OLFM3: variants seen among roughly 807,000 people sequenced by gnomAD.
The protein encoded by OLFM3 is olfactomedin 3, also known as noelin-3.
OLFM3 carries 20 observed loss-of-function variants against 48.6 expected under a neutral mutation model. The ratio of observed to expected loss-of-function variants is 0.41; its 90% confidence interval spans 0.29 to 0.60. The LOEUF (loss-of-function observed/expected upper bound fraction) is 0.60, where lower values mean the gene tolerates loss of function less well. Ranked by LOEUF, OLFM3 falls within the 20% of genes least tolerant of loss-of-function variation. The probability of loss-of-function intolerance (pLI) is 0.28; values close to 1 mark genes in which losing one functional copy is unlikely to be tolerated. For missense variants in OLFM3, 437 were observed against 544.3 expected (o/e 0.80, Z 1.96); for synonymous variants, 222 against 198.1 (o/e 1.12, Z -1.01).
intron 1 of OLFM3, among the ~76,000 whole-genome samples, chr1:101,913,394 T>G (rs899858570): frequency 7.2e-5 from 11 of 152,200 alleles, no homozygotes; most frequent in African/African-American, 2.6e-4. Context: ...GGAAAAGGAG[T>G]ATTACTATTA....
At chr1:101,944,071 C>CAT (rs1399837203) in intron 1 of OLFM3, among the ~76,000 whole-genome samples, 2 of 150,166 alleles carry the variant, frequency 1.3e-5, no homozygotes, top group East Asian at 1.9e-4. Flanking sequence ...AGTGGGAATA[C>CAT]ATATATATAC....
rs115076589 is a variant in OLFM3 at position 101,824,244 on chromosome 1, A to G, written c.592+782T>C. Among the ~76,000 whole-genome samples the G allele has an allele frequency of 2.2e-3, 339 of 152,268 alleles. 2 individuals carry two copies. Among genetic ancestry groups the G allele is most frequent in the African/African-American group, 7.9e-3 (328 of 41,554 alleles). ...ATATCGCATCATGTCAACAACTAAA[A>G]TACTGATCCTAAATTAACTTGTAGC... On this transcript the variant is annotated intron_variant, in intron 4 of 5. Transcript: ENST00000370103.
At chr1:101,833,707 C>T (rs1655272610) in intron 2 of OLFM3, among the ~76,000 whole-genome samples, 1 of 151,968 alleles carries the variant, frequency 6.6e-6, no homozygotes, top group African/African-American at 2.4e-5. Context: ...CTTTGATTTT[C>T]ACTCTCACTC....
At chr1:101,812,195 G>A (rs1654096398) in intron 4 of OLFM3, among the ~76,000 whole-genome samples, 1 of 151,908 alleles carries the variant, frequency 6.6e-6, no homozygotes, top group Non-Finnish European at 1.5e-5. Flanking sequence ...TGGGGTGGGG[G>A]GAGTGGGGAG....
chr1:101,851,487 A>G (rs968319561), intron 1 of OLFM3, among the ~76,000 whole-genome samples: 1 of 152,162 alleles, frequency 6.6e-6, no homozygotes, highest in Admixed American at 6.6e-5. Context: ...GAAGGTGGAA[A>G]GTTTTGCAGC....
intron 1 of OLFM3, among the ~76,000 whole-genome samples, chr1:101,982,685 T>C (rs1218218558): frequency 6.6e-6 from 1 of 152,212 alleles, no homozygotes; most frequent in African/African-American, 2.4e-5. Flanking sequence ...GAACTGCACC[T>C]TCCTGACTGC....
intron 1 of OLFM3, among the ~76,000 whole-genome samples, chr1:101,963,278 C>A (rs757953709): frequency 6.6e-6 from 1 of 152,222 alleles, no homozygotes. Context: ...CCTCCATGAT[C>A]ACTCTCCTTG....
At chr1:101,911,959 C>T (rs928175419) in intron 1 of OLFM3, among the ~76,000 whole-genome samples, 1 of 152,100 alleles carries the variant, frequency 6.6e-6, no homozygotes, top group African/African-American at 2.4e-5. Context: ...TTGTTATTTT[C>T]ATATGGAGTA....
At chr1:101,848,553 A>G (rs2100945200) in intron 1 of OLFM3, among the ~76,000 whole-genome samples, 1 of 150,060 alleles carries the variant, frequency 6.7e-6, no homozygotes. Flanking sequence ...ATCAACTCTT[A>G]TTTTTTAACC....
intron 1 of OLFM3, among the ~76,000 whole-genome samples, chr1:101,915,623 C>T (rs1345405056): frequency 6.6e-6 from 1 of 152,038 alleles, no homozygotes; most frequent in Non-Finnish European, 1.5e-5. Context: ...ATATTCAAAA[C>T]ACGAAGAAAT....
At chr1:101,941,757 C>T (rs1887467) in intron 1 of OLFM3, among the ~76,000 whole-genome samples, 66,647 of 151,986 alleles carry the variant, frequency 0.44, 15,725 homozygotes, top group Non-Finnish European at 0.53. Flanking sequence ...GTAGCCTCTG[C>T]TAAAACTGAA....
At chr1:101,914,018 A>T (rs1343987339) in intron 1 of OLFM3, among the ~76,000 whole-genome samples, 2 of 152,222 alleles carry the variant, frequency 1.3e-5, no homozygotes, top group African/African-American at 4.8e-5. Flanking sequence ...TAGACATGTA[A>T]AACTAAATAT....
At chr1:101,911,269 A>T (rs894038347) in intron 1 of OLFM3, among the ~76,000 whole-genome samples, 1 of 152,338 alleles carries the variant, frequency 6.6e-6, no homozygotes, top group East Asian at 1.9e-4. Flanking sequence ...GGGTAGCAGA[A>T]TATTAAAATG....
At chr1:101,953,796 G>C (rs910859670) in intron 1 of OLFM3, among the ~76,000 whole-genome samples, 2 of 152,114 alleles carry the variant, frequency 1.3e-5, no homozygotes, top group Non-Finnish European at 2.9e-5. Context: ...AGCAGGTACT[G>C]TGACCCATGT....
At chr1:101,926,192 C>G (rs1330434666) in intron 1 of OLFM3, among the ~76,000 whole-genome samples, 2 of 152,144 alleles carry the variant, frequency 1.3e-5, no homozygotes, top group Non-Finnish European at 2.9e-5. Context: ...TAGGCTTAAG[C>G]CAAGTAAGCC....
At chr1:101,915,700 G>A (rs1323256867) in intron 1 of OLFM3, among the ~76,000 whole-genome samples, 1 of 152,090 alleles carries the variant, frequency 6.6e-6, no homozygotes, top group African/African-American at 2.4e-5. Context: ...CCTATCGCTG[G>A]AAACCACACA....
At position 101,972,276 on chromosome 1, in the gene OLFM3, T is replaced by C. The variant is rs1220745633; in HGVS notation, c.69+24472A>G. 3.3e-5 allele frequency among the ~76,000 whole-genome samples: 5 copies of C among 152,196 alleles called. No homozygotes were observed. In the East Asian group the frequency reaches 9.6e-4, roughly 29 times the overall value. On this transcript the variant is annotated intron_variant, in intron 1 of 5. Transcript: ENST00000370103. ...GAAGGATATTAAAAATCTCACTTTATAGTAGAAATTATCCCTTTGTGAATA... is the reference window on the plus strand; with the variant it reads ...GAAGGATATTAAAAATCTCACTTTACAGTAGAAATTATCCCTTTGTGAATA...
At chr1:101,935,288 A>G (rs1048291316) in intron 1 of OLFM3, among the ~76,000 whole-genome samples, 2 of 150,374 alleles carry the variant, frequency 1.3e-5, no homozygotes, top group African/African-American at 4.9e-5. Flanking sequence ...TTACAAAGGG[A>G]ACATTACTAC....
intron 1 of OLFM3, among the ~76,000 whole-genome samples, chr1:101,988,654 T>C (rs968935514): frequency 1.3e-5 from 2 of 152,066 alleles, no homozygotes; most frequent in African/African-American, 4.8e-5. Context: ...ATATATTCAT[T>C]TTTTCATGCA....
Sources: gnomAD v4.1 joint callset for allele counts (sites outside exome capture counted in the v4.1 genomes callset) on GRCh38, gnomAD v4.1.1 for gene constraint, MANE v1.5 for transcripts, NCBI Gene and HGNC (gene_info 2026-07-23, HGNC 2026-07-21) for gene names.